Variants in EAPP observed in about 807,000 individuals in gnomAD.
The protein encoded by EAPP is E2F-associated phosphoprotein.
Under a neutral mutation model 34.3 loss-of-function variants are expected in EAPP, and 38 were observed. The observed-to-expected ratio is 1.11, with a 90% CI of 0.85 to 1.45. The LOEUF (loss-of-function observed/expected upper bound fraction) is 1.45. EAPP is among the 40% of genes most tolerant of loss of function. The pLI is 0.00. For missense variants in EAPP, 338 were observed against 343.7 expected (o/e 0.98, Z 0.13); for synonymous variants, 113 against 117.6 (o/e 0.96, Z 0.25).
At chr14:34,524,954 T>TGTG in intron 4 of EAPP, 147 bp from the exon 5 acceptor site, 1 of 618,024 alleles carries the variant, frequency 1.6e-6, no homozygotes, top group Non-Finnish European at 2.8e-6. Flanking sequence ...TGGAGCATCT[T>TGTG]TTAGTGCCAG....
At chr14:34,516,666 C>A in intron 5 of EAPP, 80 bp from the exon 6 acceptor site, 1 of 1,411,948 alleles carries the variant, frequency 7.1e-7, no homozygotes, top group Non-Finnish European at 9.5e-7. Context: ...TTTGAGAATA[C>A]CAAAAACTTA....
chr14:34,522,940 T>G (rs1879966902), intron 5 of EAPP, among the ~76,000 whole-genome samples: 1 of 152,202 alleles, frequency 6.6e-6, no homozygotes, highest in South Asian at 2.1e-4. Context: ...AGAAGCTGGT[T>G]GTACACTTCC....
At position 34,518,017 on chromosome 14, in the gene EAPP, C is replaced by T. The variant is rs558161210; in HGVS notation, c.582-1431G>A. Among the ~76,000 whole-genome samples the T allele has an allele frequency of 3.3e-5, 5 of 151,884 alleles. No homozygotes were observed. The South Asian group carries it at 8.3e-4, about 25-fold the overall frequency. The stretch of plus-strand genomic sequence containing the variant: ...CTCAAACTCCTGACCTCGTGATCTG[C>T]CTGCTTTAGCCTCCCAAAGTGCTGG... On this transcript the variant is annotated intron_variant, in intron 5 of 5. Transcript: ENST00000250454.
rs1157179921 is a variant in EAPP, at chr14:34,516,465, T to C, written c.703A>G (p.Met235Val). The C allele has an allele frequency of 3.7e-6, 6 of 1,614,210 alleles. No homozygotes were observed. Among genetic ancestry groups the C allele is most frequent in the Admixed American group, 3.3e-5 (2 of 59,994 alleles). ...NRKKRRVHKK[M>V]RSNREDAAEK... ...GCAGCATCTTCCCGGTTAGACCTCA[T>C]CTTCTTATGGACCCGCCTTTTCTTC... The change falls in exon 6 of 6, where the codon ATG becomes GTG. Residue 235 changes from methionine (M) to valine (V), a missense_variant. Met to Val is a conservative substitution (Grantham distance 21, BLOSUM62 1). Transcript: ENST00000250454.
In EAPP at chr14:34,519,885, C is replaced by CTT. The variant is rs763536134; in HGVS notation, c.582-3301_582-3300dup. On this transcript the variant is annotated intron_variant, in intron 5 of 5. Coordinates refer to ENST00000250454, the MANE Select transcript of EAPP (RefSeq NM_018453.4). ...CAGTTATAACAAGGTTCTTTCTTTTCTTTTTTTTTTTTTTTTGAAACAGAG... is the reference window on the plus strand; with the variant it reads ...CAGTTATAACAAGGTTCTTTCTTTTCTTTTTTTTTTTTTTTTTTGAAACAGAG... Among the ~76,000 whole-genome samples, 246 of 133,684 alleles carry CTT rather than the reference C, an allele frequency of 1.8e-3. 1 individual carries two copies. Among genetic ancestry groups the CTT allele is most frequent in the African/African-American group, 5.3e-3 (191 of 36,306 alleles). 87.7% of individuals were successfully genotyped at this position (133,684 alleles called of 152,430 possible). A position where few individuals can be genotyped will look rare whatever the true frequency, so the allele number is the denominator to read the frequency against.
intron 5 of EAPP, among the ~76,000 whole-genome samples, chr14:34,521,856 G>T (rs993161383): frequency 6.6e-6 from 1 of 151,878 alleles, no homozygotes; most frequent in South Asian, 2.1e-4. Flanking sequence ...GGATGGTCTC[G>T]ATCTCCTGAC....
Position 34,539,613 on chromosome 14 carries a change from C to T in EAPP, c.16G>A (p.Asp6Asn), listed in dbSNP as rs1008649561. Residue 6 changes from aspartate to asparagine, a missense_variant, in exon 1 of 6, where the codon GAT (aspartate) becomes AAT (asparagine). Asp to Asn is a conservative substitution (Grantham distance 23). Coordinates refer to ENST00000250454, the MANE Select transcript of EAPP (RefSeq NM_018453.4). MNRLP[D>N]DYDPYAVEEP... Reference sequence around the variant, plus strand: ...TCAACCGCGTAGGGGTCGTAGTCATCCGGAAGCCGGTTCATGGTGGCCTGC... The same window carrying T: ...TCAACCGCGTAGGGGTCGTAGTCATTCGGAAGCCGGTTCATGGTGGCCTGC... The T allele has an allele frequency of 4.4e-6, 7 of 1,577,036 alleles. No homozygotes were observed. Among genetic ancestry groups the T allele is most frequent in the Non-Finnish European group, 6.0e-6 (7 of 1,159,886 alleles).
intron 5 of EAPP, among the ~76,000 whole-genome samples, chr14:34,517,160 G>C (rs965687932): frequency 2.6e-5 from 4 of 151,420 alleles, no homozygotes; most frequent in African/African-American, 7.3e-5. Context: ...GGATGGTCTC[G>C]ATCTTCTGAC....
Position 34,524,813 on chromosome 14 carries a change from A to G in EAPP, c.471-6T>C. On this transcript the variant is annotated splice_polypyrimidine_tract_variant and splice_region_variant and intron_variant, in intron 4 of 5. Coordinates refer to ENST00000250454, the MANE Select transcript of EAPP (RefSeq NM_018453.4). ...GTGGTCCCAAACCATGGTAACTAGA[A>G]CAGAAGAAGAAAGTGGGGAGAAAAA... 4 of 1,607,890 alleles carry G rather than the reference A, an allele frequency of 2.5e-6. No individual in the cohort carries two copies. The highest frequency in any genetic ancestry group is 2.6e-6 in the Non-Finnish European group (3 of 1,175,000).
intron 4 of EAPP, among the ~76,000 whole-genome samples, chr14:34,526,392 C>A (rs1029861369): frequency 6.6e-6 from 1 of 151,860 alleles, no homozygotes; most frequent in Admixed American, 6.6e-5. Flanking sequence ...TGCGATACTG[C>A]ACTCCAGCCT....
chr14:34,523,387 G>A (rs1879982965), intron 5 of EAPP, among the ~76,000 whole-genome samples: 1 of 151,816 alleles, frequency 6.6e-6, no homozygotes, highest in South Asian at 2.1e-4. Context: ...ACAGGCGCCC[G>A]CCACCATGCC....
chr14:34,529,112 G>C (rs1880192278), intron 4 of EAPP, among the ~76,000 whole-genome samples: 1 of 152,074 alleles, frequency 6.6e-6, no homozygotes, highest in Non-Finnish European at 1.5e-5. Flanking sequence ...CTCCAGCCCA[G>C]GCGACAGTGC....
In EAPP at chr14:34,533,462, C is replaced by T. The variant is rs770095941; in HGVS notation, c.334G>A (p.Glu112Lys). ...TACTTACCTGCTCTGTCTTCATCCT[C>T]GGAATCAGAATCAAAATATATATCA... is the stretch of plus-strand genomic sequence containing the variant. Reference protein sequence around the residue: ...YDDIYFDSDSEDEDRAVQVTK... With the variant: ...YDDIYFDSDSKDEDRAVQVTK... Residue 112 changes from glutamate (E) to lysine (K), a missense_variant, in exon 3 of 6, where the codon GAG (glutamate) becomes AAG (lysine). Physicochemically the swap from Glu to Lys is moderately conservative, Grantham distance 56. Coordinates refer to ENST00000250454, the MANE Select transcript of EAPP (RefSeq NM_018453.4). 20 of 1,611,482 alleles carry T rather than the reference C, an allele frequency of 1.2e-5. No individual in the cohort carries two copies. Among genetic ancestry groups the T allele is most frequent in the Middle Eastern group, 1.6e-4 (1 of 6,074 alleles).
chr14:34,530,110 G>C (rs1880233956), intron 3 of EAPP, among the ~76,000 whole-genome samples: 1 of 151,656 alleles, frequency 6.6e-6, no homozygotes, highest in Admixed American at 6.6e-5. Flanking sequence ...TGAGGCAGGA[G>C]AATCACTTGA....
chr14:34,532,647 C>T (rs2138902194), intron 3 of EAPP, among the ~76,000 whole-genome samples: 1 of 151,394 alleles, frequency 6.6e-6, no homozygotes, highest in African/African-American at 2.4e-5. Flanking sequence ...CTGTTGGTGC[C>T]ATGTCCTCAC....
rs202040456 is a variant in EAPP at position 34,536,210 on chromosome 14, T to C, written c.140A>G (p.Glu47Gly). 178 of 1,612,796 alleles carry C rather than the reference T, an allele frequency of 1.1e-4. No homozygotes were observed. The highest frequency in any genetic ancestry group is 1.4e-4 in the Non-Finnish European group (166 of 1,179,660). Residue 47 changes from glutamate (E) to glycine (G), a missense_variant, in exon 2 of 6, where the codon GAA becomes GGA. Glu to Gly is a moderately conservative substitution (Grantham distance 98). Coordinates refer to ENST00000250454, the MANE Select transcript of EAPP (RefSeq NM_018453.4). ...TGATTCACTTTCTCCGGTAAGACAT[T>C]CTCTGATGAGTTTTCGTTTTTGGTC... ...TPDQKRKLIR[E>G]CLTGESESSS...
chr14:34,521,220 C>A (rs1020394375), intron 5 of EAPP, among the ~76,000 whole-genome samples: 9 of 151,908 alleles, frequency 5.9e-5, no homozygotes, highest in African/African-American at 2.2e-4. Flanking sequence ...AGGCATGCAC[C>A]ACCACGCCCA....
chr14:34,528,680 A>G (rs1880174980), intron 4 of EAPP, among the ~76,000 whole-genome samples: 1 of 150,694 alleles, frequency 6.6e-6, no homozygotes, highest in Non-Finnish European at 1.5e-5. Flanking sequence ...TCGGCCTCCC[A>G]AAGTTGCTGG....
In EAPP at chr14:34,535,135, C is replaced by CTT. The variant is rs35642543; in HGVS notation, c.256+957_256+958dup. Among the ~76,000 whole-genome samples, 90 of 138,824 alleles carry CTT rather than the reference C, an allele frequency of 6.5e-4. 1 individual carries two copies. In the Middle Eastern group the frequency reaches 0.027, roughly 42 times the overall value. 91.1% of individuals were successfully genotyped at this position (138,824 alleles called of 152,430 possible). On this transcript the variant is annotated intron_variant, in intron 2 of 5. Coordinates refer to ENST00000250454, the MANE Select transcript of EAPP (RefSeq NM_018453.4). ...ACAAGCATGAGCCACCACGCCTGGC[C>CTT]TTTTTTTTTTTTGAGACGGAGTCTC...
Sources: allele counts gnomAD v4.1 joint callset (sites outside exome capture counted in the v4.1 genomes callset), GRCh38; gene constraint gnomAD v4.1.1; transcripts MANE v1.5; gene names NCBI Gene and HGNC (gene_info 2026-07-23, HGNC 2026-07-21).